RB1: variants seen among roughly 807,000 people sequenced by gnomAD.
The protein encoded by RB1 is retinoblastoma-associated protein.
In RB1, 18 loss-of-function variants were observed where a neutral mutation model predicts 135.4. That is an observed-to-expected ratio of 0.13 (90% CI 0.09 to 0.20). The LOEUF is 0.20. RB1 is among the 10% of genes least tolerant of loss of function. The probability of loss-of-function intolerance (pLI) is 1.00; values close to 1 mark genes in which losing one functional copy is unlikely to be tolerated. For synonymous variants in RB1, 365 were observed against 373.2 expected, an observed-to-expected ratio of 0.98 and a Z score of 0.25; for missense variants, 868 against 1,110.0, an observed-to-expected ratio of 0.78 and a Z score of 3.10.
chr13:48,465,060 G>T lies in RB1; in HGVS notation c.2274G>T (p.Ser758=), dbSNP rs558114005. ...ATTCTATTATAGTATTCTATAACTC[G>T]GTCTTCATGCAGAGACTGAAAACAA... is the stretch of plus-strand genomic sequence containing the variant. ...EYDSIIVFYN[S]VFMQRLKTNI... is the part of the protein sequence containing the mutation. Residue 758 remains serine (S), a synonymous_variant, in exon 22 of 27, where the codon TCG becomes TCT. Coordinates refer to ENST00000267163, the MANE Select transcript of RB1 (RefSeq NM_000321.3). 6.2e-7 allele frequency: 1 copy of T among 1,606,914 alleles called. No individual in the cohort carries two copies.
At chr13:48,411,412 A>G (rs1948797635) in intron 17 of RB1, 1 of 1,612,260 alleles carries the variant, frequency 6.2e-7, no homozygotes, top group Non-Finnish European at 8.5e-7. Context: ...TCATTGTCAA[A>G]TATCTTACTT....
intron 17 of RB1, among the ~76,000 whole-genome samples, chr13:48,428,720 T>C (rs1025237212): frequency 1.3e-5 from 2 of 152,236 alleles, no homozygotes; most frequent in Non-Finnish European, 2.9e-5. Context: ...ATTTTTAGCT[T>C]CATCTTTATT....
At chr13:48,471,742 G>T (rs915674948) in intron 23 of RB1, among the ~76,000 whole-genome samples, 8 of 152,130 alleles carry the variant, frequency 5.3e-5, no homozygotes, top group Non-Finnish European at 1.0e-4. Flanking sequence ...AACAAAGCAG[G>T]TTACTTTAGG....
At chr13:48,460,435 A>G (rs1949397882) in intron 20 of RB1, among the ~76,000 whole-genome samples, 2 of 152,194 alleles carry the variant, frequency 1.3e-5, no homozygotes, top group Non-Finnish European at 1.5e-5. Context: ...TGCTTATTTA[A>G]TGACACAAAA....
At chr13:48,406,852 A>C (rs1181373188) in intron 17 of RB1, 1 of 152,284 alleles carries the variant, frequency 6.6e-6, no homozygotes, top group East Asian at 1.9e-4. Context: ...CCAGGTATTC[A>C]AGTCCAGCCT....
At chr13:48,409,267 TTGCTTTAGGTTTA>T (rs992922601) in intron 17 of RB1, among the ~76,000 whole-genome samples, 2 of 151,842 alleles carry the variant, frequency 1.3e-5, no homozygotes, top group Non-Finnish European at 2.9e-5. Flanking sequence ...AAGATGTATT[TTGCTTTAGGTTTA>T]TCTAAAGGAA....
chr13:48,414,168 C>T lies in RB1; in HGVS notation c.1695+32725C>T, dbSNP rs376905018. The stretch of plus-strand genomic sequence containing the variant: ...TTTGAGAGCAGCCTGGCCAAAATGG[C>T]GAAACCCCATCTCTACCAAAAATAC... On this transcript the variant is annotated intron_variant, in intron 17 of 26. Transcript: ENST00000267163. Among the ~76,000 whole-genome samples the T allele has an allele frequency of 5.9e-5, 9 of 151,908 alleles. No individual in the cohort carries two copies. In the East Asian group the frequency reaches 1.2e-3, roughly 20 times the overall value.
At chr13:48,438,241 T>G (rs1297552184) in intron 17 of RB1, among the ~76,000 whole-genome samples, 1 of 152,162 alleles carries the variant, frequency 6.6e-6, no homozygotes, top group Non-Finnish European at 1.5e-5. Flanking sequence ...CACTTTACAT[T>G]TATTATCTAA....
At chr13:48,307,978 G>A (rs554207104) in intron 2 of RB1, among the ~76,000 whole-genome samples, 22 of 151,424 alleles carry the variant, frequency 1.5e-4, no homozygotes, top group African/African-American at 4.4e-4. Context: ...AAAAAACACC[G>A]CCATACCTTA....
At position 48,424,046 on chromosome 13, in the gene RB1, C is replaced by T. The variant is rs117402689; in HGVS notation, c.1696-28947C>T. 853 of 152,758 alleles carry T rather than the reference C, an allele frequency of 5.6e-3. 5 individuals are homozygous for T. The highest frequency in any genetic ancestry group is 0.01 in the Middle Eastern group (3 of 294). 9.5% of individuals were successfully genotyped at this position (152,758 alleles called of 1,614,324 possible). Reference sequence around the variant, plus strand: ...TGCCATGGTGAAATGTGACTTCCATCTCTTAATTTACACTTATGCAAAAAG... The same window carrying T: ...TGCCATGGTGAAATGTGACTTCCATTTCTTAATTTACACTTATGCAAAAAG... On this transcript the variant is annotated intron_variant, in intron 17 of 26. Transcript: ENST00000267163.
At chr13:48,335,183 G>A (rs149713929) in intron 2 of RB1, among the ~76,000 whole-genome samples, 67 of 151,882 alleles carry the variant, frequency 4.4e-4, no homozygotes, top group African/African-American at 1.6e-3. Context: ...AACGTTATAT[G>A]TTGGGTATTT....
At chr13:48,345,297 A>G in intron 4 of RB1, 98 bp downstream of exon 4, 2 of 1,370,928 alleles carry the variant, frequency 1.5e-6, no homozygotes, top group Non-Finnish European at 1.0e-6. Context: ...TAAAGTTAGT[A>G]AGTATTAATT....
intron 6 of RB1, among the ~76,000 whole-genome samples, chr13:48,349,658 A>T (rs1254233022): frequency 6.6e-6 from 1 of 152,074 alleles, no homozygotes; most frequent in Admixed American, 6.6e-5. Context: ...CCAGAAAACA[A>T]ATAACAAAAT....
At chr13:48,342,473 A>G in intron 2 of RB1, 126 bp from the exon 3 acceptor site, 3 of 638,930 alleles carry the variant, frequency 4.7e-6, no homozygotes, top group Non-Finnish European at 5.6e-6. Context: ...TGTTACAAAT[A>G]TACAGTATTA....
At chr13:48,315,605 T>C (rs547127228) in intron 2 of RB1, among the ~76,000 whole-genome samples, 1 of 152,370 alleles carries the variant, frequency 6.6e-6, no homozygotes, top group South Asian at 2.1e-4. Context: ...GTTCTGCCTT[T>C]CAAGGGGAAT....
At chr13:48,316,008 A>G (rs1315599783) in intron 2 of RB1, among the ~76,000 whole-genome samples, 2 of 152,030 alleles carry the variant, frequency 1.3e-5, no homozygotes, top group African/African-American at 4.8e-5. Context: ...GCCAACATCT[A>G]TTGTTTTTTT....
In RB1 at chr13:48,307,292, A is replaced by T. The variant is rs1330924197; in HGVS notation, c.150A>T (p.Glu50Asp). The part of the protein sequence containing the change: ...EDLPLVRLEF[E>D]ETEEPDFTAL... ...TTTCATTTGGTAGGCTTGAGTTTGA[A>T]GAAACAGAAGAACCTGATTTTACTG... Residue 50 changes from glutamate (E) to aspartate (D), a missense_variant, in exon 2 of 27, where the codon GAA becomes GAT. By Grantham distance (45) the Glu-to-Asp change is conservative. Transcript: ENST00000267163. 1.2e-6 allele frequency: 2 copies of T among 1,606,968 alleles called. No homozygotes were observed. The highest frequency in any genetic ancestry group is 2.7e-5 in the African/African-American group (2 of 74,752).
chr13:48,378,884 T>G (rs1056921452), intron 13 of RB1, among the ~76,000 whole-genome samples: 3 of 152,208 alleles, frequency 2.0e-5, no homozygotes, highest in Non-Finnish European at 4.4e-5. Flanking sequence ...AACGTTGTTA[T>G]GCGGTGCATG....
chr13:48,361,677 TTGAA>T (rs1239201522), intron 7 of RB1, among the ~76,000 whole-genome samples: 4 of 152,196 alleles, frequency 2.6e-5, no homozygotes, highest in East Asian at 1.9e-4. Context: ...TTTTTACAGT[TTGAA>T]TGAGAATCTA....
Sources: gnomAD v4.1 joint callset for allele counts (sites outside exome capture counted in the v4.1 genomes callset) on GRCh38, gnomAD v4.1.1 for gene constraint, MANE v1.5 for transcripts, NCBI Gene and HGNC (gene_info 2026-07-23, HGNC 2026-07-21) for gene names.